The following CYB5RL variants were observed in gnomAD, a reference collection of about 807,000 sequenced individuals.
CYB5RL encodes cytochrome b5 reductase like, also known as NADH-cytochrome b5 reductase-like.
In CYB5RL, 38 loss-of-function variants were observed where a neutral mutation model predicts 37.5. The observed-to-expected ratio is 1.01, with a 90% confidence interval of 0.78 to 1.33. CYB5RL has a LOEUF of 1.33. Ranked by LOEUF, CYB5RL falls within the 40% of genes most tolerant of loss-of-function variation. The pLI, the probability that CYB5RL is intolerant of heterozygous loss-of-function variation, is 0.00. For synonymous variants in CYB5RL, 141 were observed against 151.9 expected (o/e 0.93, Z 0.53); for missense variants, 388 against 394.4 (o/e 0.98, Z 0.14).
At chr1:54,180,471 G>T (rs1388693890) in intron 6 of CYB5RL, among the ~76,000 whole-genome samples, 1 of 151,978 alleles carries the variant, frequency 6.6e-6, no homozygotes, top group African/African-American at 2.4e-5. Flanking sequence ...AGGCATGGTG[G>T]GGTGCGCCTG....
chr1:54,181,493 G>A (rs1291116521), intron 6 of CYB5RL, among the ~76,000 whole-genome samples: 1 of 152,224 alleles, frequency 6.6e-6, no homozygotes, highest in Non-Finnish European at 1.5e-5. Flanking sequence ...CATCTGTAAC[G>A]AAGACGACTG....
rs951042420 is a variant in CYB5RL, at chr1:54,184,054, G to C, written c.540+107C>G. 10 of 839,942 alleles carry C rather than the reference G, an allele frequency of 1.2e-5. No homozygotes were observed. The Admixed American group carries it at 1.6e-4, about 14-fold the overall frequency. 52.0% of individuals were successfully genotyped at this position (839,942 alleles called of 1,614,324 possible). On this transcript the variant is annotated intron_variant, in intron 6 of 7. Coordinates refer to ENST00000534324, the MANE Select transcript of CYB5RL (RefSeq NM_001031672.4). ...TGTCCAACCCCAAGGATACACCTGG[G>C]ATTGTGTTTGAGCTCAAGGAGAATG...
intron 5 of CYB5RL, among the ~76,000 whole-genome samples, chr1:54,186,822 C>A (rs1237435939): frequency 1.3e-5 from 2 of 151,894 alleles, no homozygotes; most frequent in African/African-American, 4.8e-5. Context: ...GCAGGACTCA[C>A]CTACTAGCAG....
chr1:54,186,990 A>G (rs1643906768), intron 5 of CYB5RL, among the ~76,000 whole-genome samples: 1 of 152,168 alleles, frequency 6.6e-6, no homozygotes, highest in Non-Finnish European at 1.5e-5. Context: ...GATGATCTAG[A>G]GCTGTGTATT....
At chr1:54,175,663 G>A (rs1443411658) in intron 7 of CYB5RL, 1 of 443,528 alleles carries the variant, frequency 2.3e-6, no homozygotes, top group East Asian at 7.0e-5. Flanking sequence ...TCAACCAACT[G>A]TGGATTGAAA....
At chr1:54,187,825 C>T in intron 4 of CYB5RL, 86 bp from the exon 5 acceptor site, 1 of 1,226,780 alleles carries the variant, frequency 8.2e-7, no homozygotes, top group African/African-American at 1.5e-5. Context: ...TCTGTAATCC[C>T]CACACTTTGG....
At chr1:54,186,376 G>C (rs1430854934) in intron 5 of CYB5RL, 1 of 152,358 alleles carries the variant, frequency 6.6e-6, no homozygotes, top group East Asian at 1.9e-4. Flanking sequence ...GGCAGTACCT[G>C]GTGCCCAGAA....
Position 54,187,698 on chromosome 1 carries a change from G to A in CYB5RL, c.389C>T (p.Pro130Leu), listed in dbSNP as rs777452072. ...DDLEIQRAYT[P>L]ISPANAEGYF... The stretch of plus-strand genomic sequence containing the variant: ...TCCTTCTGCGTTGGCAGGGCTGATG[G>A]GCGTATAGGCTCTCTGAATTTCTAA... The change falls in exon 5 of 8, where the codon CCC (proline) becomes CTC (leucine). Residue 130 changes from proline (P) to leucine (L), a missense_variant. By Grantham distance (98) the Pro-to-Leu change is moderately conservative. Coordinates refer to ENST00000534324, the MANE Select transcript of CYB5RL (RefSeq NM_001031672.4). 1.9e-6 allele frequency: 3 copies of A among 1,613,850 alleles called. No individual in the cohort carries two copies. The highest frequency in any genetic ancestry group is 2.5e-6 in the Non-Finnish European group (3 of 1,179,892).
rs751530222 is a variant in CYB5RL at position 54,174,216 on chromosome 1, T to C, written c.*403A>G. The C allele has an allele frequency of 1.3e-5, 3 of 238,770 alleles. No homozygotes were observed. The highest frequency in any genetic ancestry group is 9.6e-5 in the Admixed American group (2 of 20,904). The allele number at this position is 238,770 out of a possible 1,614,324, so 14.8% of individuals were successfully genotyped here. The stretch of plus-strand genomic sequence containing the variant: ...ACACTCAGGAGCCCCTAATCCGAGA[T>C]GGTGCTGAGGCCACAGTTGGAGCCC... On this transcript the variant is annotated 3_prime_UTR_variant, in exon 8 of 8. Transcript: ENST00000534324.
rs913395994 is a variant in CYB5RL at position 54,171,539 on chromosome 1, G to A, written c.*3080C>T. On this transcript the variant is annotated 3_prime_UTR_variant, in exon 8 of 8. Transcript: ENST00000534324. Reference sequence around the variant, plus strand: ...GAACTAAAGCCAATGCCGCTTCTGCGACCAAGAATCTGTCCTCAGGCCCTC... The same window carrying A: ...GAACTAAAGCCAATGCCGCTTCTGCAACCAAGAATCTGTCCTCAGGCCCTC... 10 of 415,806 alleles carry A rather than the reference G, an allele frequency of 2.4e-5. No homozygotes were observed. The highest frequency in any genetic ancestry group is 7.2e-5 in the East Asian group (1 of 13,974). The allele number at this position is 415,806 out of a possible 1,614,324, so 25.8% of individuals were successfully genotyped here.
At chr1:54,188,139 G>T (rs1299387059) in intron 4 of CYB5RL, among the ~76,000 whole-genome samples, 1 of 152,198 alleles carries the variant, frequency 6.6e-6, no homozygotes, top group African/African-American at 2.4e-5. Flanking sequence ...TGAAAATAAA[G>T]GTCCTCACTG....
chr1:54,188,544 G>A (rs185799970), intron 4 of CYB5RL, among the ~76,000 whole-genome samples: 1 of 152,252 alleles, frequency 6.6e-6, no homozygotes, highest in Admixed American at 6.5e-5. Flanking sequence ...CAAAAACAGG[G>A]TCAGGATAAC....
rs866341496 is a variant in CYB5RL, at chr1:54,195,504, A to G, written c.113T>C (p.Phe38Ser). The change falls in exon 3 of 8, where the codon TTT (phenylalanine) becomes TCT (serine). Residue 38 changes from phenylalanine (F) to serine (S), a missense_variant. Phe to Ser is a radical substitution (Grantham distance 155). Coordinates refer to ENST00000534324, the MANE Select transcript of CYB5RL (RefSeq NM_001031672.4). ...TGCCAGATCTCGGTGATAGAGGTCA[A>G]ACACACAGGGTGAGCAGCCACTGCC... ...CCGSGCSPCV[F>S]DLYHRDLARW... 1.3e-5 allele frequency: 21 copies of G among 1,613,268 alleles called. No homozygotes were observed. Among genetic ancestry groups the G allele is most frequent in the African/African-American group, 9.4e-5 (7 of 74,862 alleles).
intron 6 of CYB5RL, chr1:54,180,099 TGGTGGTGCACGCC>T (rs1217755315): frequency 6.8e-6 from 3 of 438,552 alleles, no homozygotes; most frequent in Non-Finnish European, 1.4e-5. Context: ...TAGCCAAGCG[TGGTGGTGCACGCC>T]TGTAGTCCCA....
At chr1:54,192,566 T>TA (rs963425164) in intron 3 of CYB5RL, among the ~76,000 whole-genome samples, 26 of 152,180 alleles carry the variant, frequency 1.7e-4, no homozygotes, top group Admixed American at 5.9e-4. Context: ...ACTGAGCATC[T>TA]ACCATGTGCC....
In CYB5RL at chr1:54,178,353, G is replaced by C. The variant is rs141218128; in HGVS notation, c.744+796C>G. On this transcript the variant is annotated intron_variant, in intron 7 of 7. Transcript: ENST00000534324. ...TGACCCTGAGCACCAGGGAACACAG[G>C]GGGCCCAGCAGGAATCCCAACCCAG... Among the ~76,000 whole-genome samples the C allele has an allele frequency of 1.7e-3, 265 of 152,284 alleles. 2 individuals are homozygous for C. Among genetic ancestry groups the C allele is most frequent in the African/African-American group, 5.8e-3 (242 of 41,552 alleles).
At chr1:54,198,213 C>T (rs1038539764) in intron 1 of CYB5RL, among the ~76,000 whole-genome samples, 9 of 152,006 alleles carry the variant, frequency 5.9e-5, no homozygotes, top group African/African-American at 2.2e-4. Context: ...CTTCACAGAG[C>T]CTCATAGACT....
intron 4 of CYB5RL, among the ~76,000 whole-genome samples, chr1:54,189,488 G>C (rs1643931132): frequency 6.6e-6 from 1 of 152,164 alleles, no homozygotes; most frequent in African/African-American, 2.4e-5. Context: ...GAAGAACATG[G>C]TGGGAAAGCA....
At chr1:54,180,334 A>C (rs544653248) in intron 6 of CYB5RL, 2 of 351,754 alleles carry the variant, frequency 5.7e-6, no homozygotes, top group East Asian at 1.6e-4. Context: ...CCTCTTAAAG[A>C]GGGGTGAACC....
Sources: gnomAD v4.1 joint callset for allele counts (sites outside exome capture counted in the v4.1 genomes callset) on GRCh38, gnomAD v4.1.1 for gene constraint, MANE v1.5 for transcripts, NCBI Gene and HGNC (gene_info 2026-07-23, HGNC 2026-07-21) for gene names.